Variants in MARS1 observed in about 807,000 individuals in gnomAD.
MARS1 encodes methionyl-tRNA synthetase 1, also known as methionine--tRNA ligase, cytoplasmic.
Under a neutral mutation model 119.5 loss-of-function variants are expected in MARS1, and 80 were observed. The ratio of observed to expected loss-of-function variants is 0.67; its 90% confidence interval spans 0.56 to 0.81. MARS1 has a LOEUF of 0.81. MARS1 is among the 30% of genes least tolerant of loss of function. MARS1 has a pLI of 0.00. For synonymous variants in MARS1, 418 were observed against 433.4 expected, an observed-to-expected ratio of 0.96 and a Z score of 0.44; for missense variants, 945 against 1,116.5, an observed-to-expected ratio of 0.85 and a Z score of 2.19.
chr12:57,506,420 C>T (rs1877181462), intron 11 of MARS1, among the ~76,000 whole-genome samples: 1 of 152,136 alleles, frequency 6.6e-6, no homozygotes, highest in Admixed American at 6.5e-5. Flanking sequence ...CAAAGTGAGA[C>T]CCTGTCTCAA....
intron 10 of MARS1, 79 bp from the exon 11 acceptor site, chr12:57,504,146 C>G: frequency 4.3e-6 from 4 of 936,940 alleles, no homozygotes; most frequent in Non-Finnish European, 7.0e-6. Flanking sequence ...AGGAGCTAAT[C>G]CTTCTCTGCT....
intron 7 of MARS1, among the ~76,000 whole-genome samples, chr12:57,493,808 A>ATATATAT (rs1565641206): frequency 1.8e-3 from 2 of 1,140 alleles, no homozygotes; most frequent in Non-Finnish European, 3.5e-3. Flanking sequence ...ATATTATATA[A>ATATATAT]TGTATATTAT....
At chr12:57,490,490 C>A in intron 6 of MARS1, 48 bp from the exon 7 acceptor site, 1 of 1,610,918 alleles carries the variant, frequency 6.2e-7, no homozygotes, top group East Asian at 2.2e-5. Flanking sequence ...GTTTCTTTAC[C>A]CTGTGGGCCC....
At chr12:57,510,303 C>G (rs886227968) in intron 11 of MARS1, among the ~76,000 whole-genome samples, 2 of 151,990 alleles carry the variant, frequency 1.3e-5, no homozygotes, top group African/African-American at 4.8e-5. Flanking sequence ...GAAACCCCAT[C>G]TCTACTAAAA....
chr12:57,496,173 CTTTCT>C (rs1312284944), intron 7 of MARS1, among the ~76,000 whole-genome samples: 2 of 149,676 alleles, frequency 1.3e-5, no homozygotes, highest in Non-Finnish European at 3.0e-5. Context: ...AATATAAGCA[CTTTCT>C]TTTTTTTTTT....
intron 14 of MARS1, 51 bp downstream of exon 14, chr12:57,512,404 G>C (rs746653055): frequency 7.8e-7 from 1 of 1,289,738 alleles, no homozygotes; most frequent in South Asian, 1.2e-5. Flanking sequence ...AATGAGGGGT[G>C]AGGCAGTACT....
At chr12:57,488,422 C>T (rs1475617818) in intron 1 of MARS1, 2 of 792,598 alleles carry the variant, frequency 2.5e-6, no homozygotes, top group African/African-American at 1.7e-5. Flanking sequence ...TCTCTCCTCC[C>T]CTCTTCCGTC....
At chr12:57,498,119 TCCC>T in intron 7 of MARS1, 35 bp from the exon 8 acceptor site, 1 of 1,359,632 alleles carries the variant, frequency 7.4e-7, no homozygotes, top group Admixed American at 1.7e-5. Flanking sequence ...GACCCTCACA[TCCC>T]CCCATGCACT....
intron 10 of MARS1, among the ~76,000 whole-genome samples, chr12:57,503,729 A>G (rs965614547): frequency 6.6e-6 from 1 of 151,904 alleles, no homozygotes; most frequent in African/African-American, 2.4e-5. Context: ...TTTAGTAGAT[A>G]CGGGGTTTCA....
At chr12:57,492,117 A>G (rs1346205413) in intron 7 of MARS1, among the ~76,000 whole-genome samples, 1 of 150,298 alleles carries the variant, frequency 6.7e-6, no homozygotes, top group African/African-American at 2.5e-5. Context: ...TGCCTCTACT[A>G]AAAATACAAA....
chr12:57,507,458 G>A (rs1480714034), intron 11 of MARS1, among the ~76,000 whole-genome samples: 1 of 72,712 alleles, frequency 1.4e-5, no homozygotes, highest in Non-Finnish European at 3.2e-5. Flanking sequence ...CCTCCCGGAC[G>A]GGGCGGCTGG....
intron 11 of MARS1, among the ~76,000 whole-genome samples, chr12:57,504,608 G>A (rs1430778273): frequency 2.6e-5 from 4 of 151,032 alleles, no homozygotes; most frequent in Admixed American, 2.6e-4. Flanking sequence ...CTGGAATGCA[G>A]TGGCATGATC....
At chr12:57,509,665 C>A (rs746289619) in intron 11 of MARS1, among the ~76,000 whole-genome samples, 2 of 151,948 alleles carry the variant, frequency 1.3e-5, no homozygotes, top group African/African-American at 2.4e-5. Context: ...CTGCCTTGGC[C>A]TCCCGAAGTG....
At position 57,489,478 on chromosome 12, in the gene MARS1, G is replaced by A; in HGVS notation, c.334G>A (p.Asp112Asn). Residue 112 changes from aspartate to asparagine, a missense_variant, in exon 4 of 21, where the codon GAT (aspartate) becomes AAT (asparagine). Transcript: ENST00000262027. ...AGTGGTCCAAGGCAAGAAGGGGGAA[G>A]ATGTTCTTGGTTCAGTGCGGAGAGC... ...YLVVQGKKGEDVLGSVRRALT... is the reference protein window; with the variant it reads ...YLVVQGKKGENVLGSVRRALT... 1 of 1,614,186 alleles carries A rather than the reference G, an allele frequency of 6.2e-7. No homozygotes were observed.
At chr12:57,496,586 C>T (rs1876645430) in intron 7 of MARS1, among the ~76,000 whole-genome samples, 1 of 151,840 alleles carries the variant, frequency 6.6e-6, no homozygotes, top group South Asian at 2.1e-4. Flanking sequence ...CGAGACCAGT[C>T]CTGTCAACAT....
Position 57,495,728 on chromosome 12 carries a change from C to T in MARS1, c.771-2429C>T, listed in dbSNP as rs185646839. Among the ~76,000 whole-genome samples the T allele has an allele frequency of 2.2e-3, 341 of 152,318 alleles. 1 individual carries two copies. Among genetic ancestry groups the T allele is most frequent in the African/African-American group, 7.8e-3 (324 of 41,560 alleles). The stretch of plus-strand genomic sequence containing the variant: ...TGGGCAACATTGAGCACTGAGTGAG[C>T]GAGACTCCGTCTGCAATCCCAGCAC... On this transcript the variant is annotated intron_variant, in intron 7 of 20. Coordinates refer to ENST00000262027, the MANE Select transcript of MARS1 (RefSeq NM_004990.4).
Position 57,511,759 on chromosome 12 carries a change from A to G in MARS1, c.1430A>G (p.Asn477Ser), listed in dbSNP as rs778085997. 1.7e-5 allele frequency: 27 copies of G among 1,614,074 alleles called. No homozygotes were observed. The highest frequency in any genetic ancestry group is 8.9e-5 in the East Asian group (4 of 44,900). ...TTGCCTGGCAGTGACTGGACACCCA[A>G]TGCCCAGTTTATCACCCGTTCTTGG... ...RTLPGSDWTP[N>S]AQFITRSWLR... is the part of the protein sequence containing the mutation. Residue 477 changes from asparagine to serine, a missense_variant, in exon 12 of 21, where the codon AAT (asparagine) becomes AGT (serine). Physicochemically the swap from Asn to Ser is conservative, Grantham distance 46. Coordinates refer to ENST00000262027, the MANE Select transcript of MARS1 (RefSeq NM_004990.4).
Position 57,490,701 on chromosome 12 carries a change from A to G in MARS1, c.770+57A>G, listed in dbSNP as rs1056263520. The stretch of plus-strand genomic sequence containing the variant: ...TGATTTTGTAGTGGAAATTGTTGAT[A>G]GAGCCAGAACCTGCCTGCTAGGTCC... On this transcript the variant is annotated intron_variant, in intron 7 of 20. Transcript: ENST00000262027. The G allele has an allele frequency of 2.0e-6, 3 of 1,502,670 alleles. No homozygotes were observed. In the African/African-American group the frequency reaches 4.2e-5, roughly 21 times the overall value. The allele number at this position is 1,502,670 out of a possible 1,614,324, so 93.1% of individuals were successfully genotyped here.
intron 10 of MARS1, among the ~76,000 whole-genome samples, chr12:57,503,684 G>C (rs188060813): frequency 1.9e-3 from 290 of 152,146 alleles, no homozygotes; most frequent in African/African-American, 6.8e-3. Context: ...TGGGACTACA[G>C]GTGCACGCCA....
Sources: allele counts gnomAD v4.1 joint callset (sites outside exome capture counted in the v4.1 genomes callset), GRCh38; gene constraint gnomAD v4.1.1; transcripts MANE v1.5; gene names NCBI Gene and HGNC (gene_info 2026-07-23, HGNC 2026-07-21).